The following HIBCH variants were observed in gnomAD, a reference collection of about 807,000 sequenced individuals.
HIBCH encodes the protein 3-hydroxyisobutyryl-CoA hydrolase, mitochondrial.
In HIBCH, 50 loss-of-function variants were observed where a neutral mutation model predicts 58.2. That is an observed-to-expected ratio of 0.86 (90% confidence interval 0.68 to 1.09). The LOEUF is 1.09. Among genes scored for constraint, HIBCH ranks in the 50% least tolerant of loss-of-function variants. The probability of loss-of-function intolerance (pLI) is 0.00; values close to 1 mark genes in which losing one functional copy is unlikely to be tolerated. For missense variants in HIBCH, 450 were observed against 449.7 expected, an observed-to-expected ratio of 1.00 and a Z score of -0.01; for synonymous variants, 151 against 146.9, an observed-to-expected ratio of 1.03 and a Z score of -0.20.
intron 6 of HIBCH, among the ~76,000 whole-genome samples, chr2:190,265,125 A>AAAG (rs1687196994): frequency 1.2e-5 from 1 of 85,658 alleles, no homozygotes; most frequent in African/African-American, 4.4e-5. Context: ...TCCGTCTCAA[A>AAAG]AAAAAAAAAA....
chr2:190,234,197 C>A (rs140026804), intron 11 of HIBCH, among the ~76,000 whole-genome samples: 11 of 152,086 alleles, frequency 7.2e-5, no homozygotes, highest in Non-Finnish European at 1.2e-4. Flanking sequence ...GGTGAGAATG[C>A]GGAGCAACTA....
chr2:190,297,400 G>A (rs2124824347), intron 2 of HIBCH, among the ~76,000 whole-genome samples: 1 of 152,320 alleles, frequency 6.6e-6, no homozygotes, highest in South Asian at 2.1e-4. Flanking sequence ...AAAAGGGGAG[G>A]TGAGAATTCC....
At position 190,210,976 on chromosome 2, in the gene HIBCH, A is replaced by G. The variant is rs1326436541; in HGVS notation, c.1011+1980T>C. ...TAATATTTATAATCATATAATATATATTTTATGTATTAATCTTGTTTACAG... is the reference window on the plus strand; with the variant it reads ...TAATATTTATAATCATATAATATATGTTTTATGTATTAATCTTGTTTACAG... On this transcript the variant is annotated intron_variant, in intron 12 of 13. Transcript: ENST00000359678. The surrounding 1 kb of genome is among the most constrained non-coding windows in gnomAD (Gnocchi z 5.5). Among the ~76,000 whole-genome samples, 1 of 152,086 alleles carries G rather than the reference A, an allele frequency of 6.6e-6. No homozygotes were observed. The highest frequency in any genetic ancestry group is 2.4e-5 in the African/African-American group (1 of 41,408).
chr2:190,194,781 T>C (rs1269547873), intron 1 of HIBCH, among the ~76,000 whole-genome samples: 1 of 152,188 alleles, frequency 6.6e-6, no homozygotes, highest in African/African-American at 2.4e-5. Context: ...GTTGTAATCA[T>C]ACAGCATGTA....
At chr2:190,194,226 G>A (rs1317936909) in intron 1 of HIBCH, among the ~76,000 whole-genome samples, 1 of 152,154 alleles carries the variant, frequency 6.6e-6, no homozygotes, top group African/African-American at 2.4e-5. Context: ...GTTGTTGGGT[G>A]TAGTGTTCTG....
In HIBCH at chr2:190,197,467, T is replaced by C. The variant is rs1214935329; in HGVS notation, c.*18-7470A>G. 1.3e-5 allele frequency among the ~76,000 whole-genome samples: 2 copies of C among 152,186 alleles called. No homozygotes were observed. Among genetic ancestry groups the C allele is most frequent in the Admixed American group, 1.3e-4 (2 of 15,284 alleles). ...CTGGACATGCACATCCCAGTACCCT[T>C]GCCAAGTCTCATGCAGATTTCTGCC... On this transcript the variant is annotated intron_variant, in intron 1 of 1. Transcript: ENST00000399855. The surrounding 1 kb of genome is among the most constrained non-coding windows in gnomAD (Gnocchi z 4.0).
intron 1 of HIBCH, among the ~76,000 whole-genome samples, chr2:190,195,822 C>T (rs746734652): frequency 4.6e-5 from 7 of 152,160 alleles, no homozygotes; most frequent in Middle Eastern, 3.4e-3. Context: ...AAAAGGTTGT[C>T]GCCAAACCCA....
intron 7 of HIBCH, among the ~76,000 whole-genome samples, chr2:190,259,313 A>C (rs1432730754): frequency 8.8e-6 from 1 of 113,972 alleles, no homozygotes; most frequent in Non-Finnish European, 2.0e-5. Context: ...AGTTTTCAGT[A>C]TACAGATGTG....
chr2:190,192,452 C>G (rs1004707655), intron 1 of HIBCH, among the ~76,000 whole-genome samples: 11 of 145,358 alleles, frequency 7.6e-5, no homozygotes, highest in East Asian at 2.0e-4. Flanking sequence ...AATTCAGAAT[C>G]TGTGTGTGTG....
At chr2:190,241,921 G>C (rs574406871) in intron 11 of HIBCH, among the ~76,000 whole-genome samples, 1 of 152,280 alleles carries the variant, frequency 6.6e-6, no homozygotes, top group South Asian at 2.1e-4. Context: ...CAACTTTGGA[G>C]AATCTGAAGA....
At chr2:190,238,037 T>C (rs1298150714) in intron 11 of HIBCH, among the ~76,000 whole-genome samples, 1 of 152,200 alleles carries the variant, frequency 6.6e-6, no homozygotes, top group Non-Finnish European at 1.5e-5. Flanking sequence ...TTCCATGGCG[T>C]ATATATGCCA....
chr2:190,230,621 G>A (rs1234272747), intron 11 of HIBCH, among the ~76,000 whole-genome samples: 6 of 152,240 alleles, frequency 3.9e-5, no homozygotes, highest in Non-Finnish European at 1.5e-5. Flanking sequence ...CTTGAACCCA[G>A]GAGGTGGAGG....
intron 11 of HIBCH, among the ~76,000 whole-genome samples, chr2:190,225,287 A>G (rs1032645140): frequency 6.6e-6 from 1 of 152,202 alleles, no homozygotes; most frequent in Non-Finnish European, 1.5e-5. Context: ...AACTGAAGGA[A>G]ATAGAGACAC....
At chr2:190,277,882 T>G (rs1407157626) in intron 6 of HIBCH, among the ~76,000 whole-genome samples, 4 of 152,228 alleles carry the variant, frequency 2.6e-5, no homozygotes, top group African/African-American at 4.8e-5. Flanking sequence ...TCTCTCAACC[T>G]CTTCTGGTTC....
chr2:190,193,223 ATTTTT>A (rs144509424), intron 1 of HIBCH, among the ~76,000 whole-genome samples: 1 of 151,780 alleles, frequency 6.6e-6, no homozygotes, highest in Admixed American at 6.6e-5. Flanking sequence ...TGATCATCTG[ATTTTT>A]TTTATGTTAA....
intron 11 of HIBCH, among the ~76,000 whole-genome samples, chr2:190,232,266 C>A (rs55684836): frequency 0.25 from 37,383 of 151,964 alleles, 4,911 homozygotes; most frequent in East Asian, 0.32. Context: ...TAAAATGACA[C>A]CATTTAAACA....
chr2:190,200,659 G>A (rs1326694966), downstream of HIBCH: 1 of 170,412 alleles, frequency 5.9e-6, no homozygotes, highest in East Asian at 1.9e-4. Flanking sequence ...AATGAACCCT[G>A]TCTTTAATAA....
chr2:190,259,376 A>G (rs2582760), intron 7 of HIBCH, among the ~76,000 whole-genome samples: 39,463 of 90,470 alleles, frequency 0.44, 5,957 homozygotes, highest in East Asian at 0.6. Flanking sequence ...TGTCTGTCTG[A>G]CTGACATGGT....
chr2:190,200,593 A>T (rs1367977996), downstream of HIBCH: 1 of 181,068 alleles, frequency 5.5e-6, no homozygotes, highest in Non-Finnish European at 1.3e-5. Context: ...CACTCAAATC[A>T]TAGTGATTAA....
Sources: gnomAD v4.1 joint callset for allele counts (sites outside exome capture counted in the v4.1 genomes callset) on GRCh38, gnomAD v4.1.1 for gene constraint, Gnocchi (gnomAD v3.1) non-coding constraint, MANE v1.5 for transcripts, NCBI Gene and HGNC (gene_info 2026-07-23, HGNC 2026-07-21) for gene names.